Variants in HSPG2 observed in about 807,000 individuals in gnomAD.
HSPG2 encodes basement membrane-specific heparan sulfate proteoglycan core protein.
HSPG2 carries 278 observed loss-of-function variants against 526.6 expected under a neutral mutation model. The ratio of observed to expected loss-of-function variants is 0.53; its 90% CI spans 0.48 to 0.58. HSPG2 has a LOEUF of 0.58. Among genes scored for constraint, HSPG2 ranks in the 20% least tolerant of loss-of-function variants. The pLI, the probability that HSPG2 is intolerant of heterozygous loss-of-function variation, is 0.00. For synonymous variants in HSPG2, 2,465 were observed against 2,555.4 expected, an observed-to-expected ratio of 0.96 and a Z score of 1.07; for missense variants, 5,354 against 6,099.5, an observed-to-expected ratio of 0.88 and a Z score of 4.07.
chr1:21,917,609 CCT>C (rs1304941331), intron 1 of HSPG2, among the ~76,000 whole-genome samples: 2 of 152,162 alleles, frequency 1.3e-5, no homozygotes, highest in Admixed American at 6.5e-5. Flanking sequence ...CCATCAGCCC[CCT>C]GAGGCTCCTA....
At position 21,855,513 on chromosome 1, in the gene HSPG2, G is replaced by A. The variant is rs377059489; in HGVS notation, c.5854+10C>T. Reference sequence around the variant, plus strand: ...CACTCCCGGCCCCCACCCTGAGCCCGGCCTCTCACCATGCACGTGGAGCAC... The same window carrying A: ...CACTCCCGGCCCCCACCCTGAGCCCAGCCTCTCACCATGCACGTGGAGCAC... On this transcript the variant is annotated intron_variant, in intron 46 of 96. Coordinates refer to ENST00000374695, the MANE Select transcript of HSPG2 (RefSeq NM_005529.7). 6.8e-6 allele frequency: 11 copies of A among 1,610,090 alleles called. No homozygotes were observed. Among genetic ancestry groups the A allele is most frequent in the African/African-American group, 6.7e-5 (5 of 74,914 alleles).
chr1:21,845,724 T>C (rs1054039743), intron 64 of HSPG2, among the ~76,000 whole-genome samples: 3 of 152,118 alleles, frequency 2.0e-5, no homozygotes, highest in African/African-American at 7.2e-5. Context: ...AGAGGTGCAG[T>C]CCCAGGCTTT....
chr1:21,859,941 G>A lies in HSPG2; in HGVS notation c.5076C>T (p.Gly1692=). The A allele has an allele frequency of 6.2e-7, 1 of 1,610,562 alleles. No homozygotes were observed. The highest frequency in any genetic ancestry group is 8.5e-7 in the Non-Finnish European group (1 of 1,179,378). The change falls in exon 41 of 97, where the codon GGC becomes GGT. Residue 1692 remains glycine, a synonymous_variant. Transcript: ENST00000374695. The surrounding 1 kb of genome is among the most constrained non-coding windows in gnomAD (Gnocchi z 5.3). ...HPARSIVPQG[G]SHSLRCQVSG... ...TGACCTGACACCGCAGGGAGTGGGA[G>A]CCACCTTGGGGCACTATGCTTCGAG...
chr1:21,856,001 C>T, intron 44 of HSPG2, 89 bp from the exon 45 acceptor site: 1 of 1,546,594 alleles, frequency 6.5e-7, no homozygotes, highest in Middle Eastern at 1.7e-4. Flanking sequence ...TCTCTGCTTC[C>T]AGGCTAGCCC....
chr1:21,847,680 AC>A lies in HSPG2; in HGVS notation c.8025+8del. 1 of 1,605,278 alleles carries A rather than the reference AC, an allele frequency of 6.2e-7. No individual in the cohort carries two copies. ...GTTCCACCCCCGCTGCTGTGGCTCC[AC>A]TCTGTACCTGGTGTCGGGAGGGAAG... is the stretch of plus-strand genomic sequence containing the variant. On this transcript the variant is annotated splice_region_variant and intron_variant, in intron 61 of 96. Transcript: ENST00000374695. This position sits in a 1 kb window ranked among gnomAD's most constrained non-coding sequence, Gnocchi z 4.1.
rs928132717 is a variant in HSPG2, at chr1:21,849,051, G to A, written c.7447-20C>T. On this transcript the variant is annotated intron_variant, in intron 57 of 96. Transcript: ENST00000374695. ...ATGCACCTGGGAGGGTCAGGAGGGA[G>A]GAGGCAGGCTCAGAGCTGGGCACTG... 2 of 1,612,588 alleles carry A rather than the reference G, an allele frequency of 1.2e-6. No individual in the cohort carries two copies. Among genetic ancestry groups the A allele is most frequent in the Non-Finnish European group, 1.7e-6 (2 of 1,179,334 alleles).
chr1:21,880,657 T>G lies in HSPG2; in HGVS notation c.1997A>C (p.Glu666Ala), dbSNP rs764846270. 6.3e-7 allele frequency: 1 copy of G among 1,593,280 alleles called. No homozygotes were observed. The part of the protein sequence containing the change: ...ALNQRQVQFS[E>A]EHWVHESGRP... The stretch of plus-strand genomic sequence containing the variant: ...CCTAAGGGCTCAGGCGCCACCCACC[T>G]CAGAGAACTGGACCTGGCGCTGGTT... The change falls in exon 15 of 97, where the codon GAG becomes GCG. Residue 666 changes from glutamate (E) to alanine (A), a missense_variant and splice_region_variant. By Grantham distance (107) the Glu-to-Ala change is moderately radical. Transcript: ENST00000374695.
chr1:21,890,710 A>AGGAT lies in HSPG2; in HGVS notation c.245-20_245-17dup. The AGGAT allele has an allele frequency of 6.3e-7, 1 of 1,594,564 alleles. No homozygotes were observed. Among genetic ancestry groups the AGGAT allele is most frequent in the Non-Finnish European group, 8.6e-7 (1 of 1,163,566 alleles). On this transcript the variant is annotated splice_polypyrimidine_tract_variant and intron_variant, in intron 3 of 96. Transcript: ENST00000374695. The surrounding 1 kb of genome is among the most constrained non-coding windows in gnomAD (Gnocchi z 4.1). Reference sequence around the variant, plus strand: ...CGGAAATAAACTGGAAAATCGAAGGAGGATCATTTTGAGAGCCCCAGCCTG... The same window carrying AGGAT: ...CGGAAATAAACTGGAAAATCGAAGGAGGATGGATCATTTTGAGAGCCCCAGCCTG...
chr1:21,839,618 G>C lies in HSPG2; in HGVS notation c.9710-68C>G, dbSNP rs2098040726. ...TCAGGGACCCGCAGAGGGTGGCCAT[G>C]GTGAGGAAGGGCCCTGGGTGATCCT... On this transcript the variant is annotated intron_variant, in intron 72 of 96. Coordinates refer to ENST00000374695, the MANE Select transcript of HSPG2 (RefSeq NM_005529.7). This position sits in a 1 kb window ranked among gnomAD's most constrained non-coding sequence, Gnocchi z 4.5. The C allele has an allele frequency of 6.4e-7, 1 of 1,552,412 alleles. No homozygotes were observed. Among genetic ancestry groups the C allele is most frequent in the Non-Finnish European group, 8.8e-7 (1 of 1,134,472 alleles).
intron 33 of HSPG2, among the ~76,000 whole-genome samples, chr1:21,868,329 C>T (rs954723066): frequency 1.3e-5 from 2 of 152,294 alleles, no homozygotes; most frequent in African/African-American, 2.4e-5. Flanking sequence ...TGAGCCACCA[C>T]GCCCAGCCTG....
chr1:21,893,689 G>A lies in HSPG2; in HGVS notation c.244+2233C>T, dbSNP rs1335721264. 2.0e-5 allele frequency among the ~76,000 whole-genome samples: 3 copies of A among 152,066 alleles called. No homozygotes were observed. Among genetic ancestry groups the A allele is most frequent in the Non-Finnish European group, 4.4e-5 (3 of 67,986 alleles). ...CTGCAGAGTAGAGACAGAGAAGGAGGCAAGAAGGGACATTGACAGCGAGGG... is the reference window on the plus strand; with the variant it reads ...CTGCAGAGTAGAGACAGAGAAGGAGACAAGAAGGGACATTGACAGCGAGGG... On this transcript the variant is annotated intron_variant, in intron 3 of 96. Transcript: ENST00000374695. The surrounding 1 kb of genome is among the most constrained non-coding windows in gnomAD (Gnocchi z 4.3).
In HSPG2 at chr1:21,898,976, C is replaced by A. The variant is rs1642937657; in HGVS notation, c.64-2666G>T. Among the ~76,000 whole-genome samples, 1 of 152,164 alleles carries A rather than the reference C, an allele frequency of 6.6e-6. No individual in the cohort carries two copies. The highest frequency in any genetic ancestry group is 2.4e-5 in the African/African-American group (1 of 41,432). On this transcript the variant is annotated intron_variant, in intron 1 of 96. Coordinates refer to ENST00000374695, the MANE Select transcript of HSPG2 (RefSeq NM_005529.7). The surrounding 1 kb of genome is among the most constrained non-coding windows in gnomAD (Gnocchi z 4.0). ...GGCCTTGGGACCAGACAGGAAATAG[C>A]AAAGTGAGATTCAACATGGAAAGAA...
At chr1:21,866,153 A>AC (rs1640214158) in intron 33 of HSPG2, among the ~76,000 whole-genome samples, 1 of 152,204 alleles carries the variant, frequency 6.6e-6, no homozygotes, top group Admixed American at 6.5e-5. Context: ...GACAATGACC[A>AC]CCATGGGGAG....
Position 21,824,831 on chromosome 1 carries a change from C to T in HSPG2, c.12590-52G>A. Reference sequence around the variant, plus strand: ...TACCTGCTGCATCAGGCATCAAAATCCCCCGTCAGTTCCCCTGACCCCCAC... The same window carrying T: ...TACCTGCTGCATCAGGCATCAAAATTCCCCGTCAGTTCCCCTGACCCCCAC... On this transcript the variant is annotated intron_variant, in intron 91 of 96. Transcript: ENST00000374695. The surrounding 1 kb of genome is among the most constrained non-coding windows in gnomAD (Gnocchi z 5.9). 6.6e-7 allele frequency: 1 copy of T among 1,516,280 alleles called. No homozygotes were observed. The highest frequency in any genetic ancestry group is 9.0e-7 in the Non-Finnish European group (1 of 1,107,200). 93.9% of individuals were successfully genotyped at this position (1,516,280 alleles called of 1,614,324 possible). A position where few individuals can be genotyped will look rare whatever the true frequency, so the allele number is the denominator to read the frequency against.
intron 1 of HSPG2, among the ~76,000 whole-genome samples, chr1:21,910,286 C>G (rs1392206094): frequency 1.3e-5 from 2 of 152,210 alleles, no homozygotes; most frequent in African/African-American, 4.8e-5. Context: ...TGAAATTGTT[C>G]CTGCCCAGAC....
intron 1 of HSPG2, among the ~76,000 whole-genome samples, chr1:21,918,832 T>C (rs1011357661): frequency 1.6e-4 from 25 of 152,130 alleles, no homozygotes; most frequent in Non-Finnish European, 3.1e-4. Context: ...ATAGTCAGCG[T>C]TCTCCAAATA....
chr1:21,865,210 G>T lies in HSPG2; in HGVS notation c.4395+75C>A. The T allele has an allele frequency of 6.6e-7, 1 of 1,525,162 alleles. No homozygotes were observed. The highest frequency in any genetic ancestry group is 9.1e-7 in the Non-Finnish European group (1 of 1,098,892). The allele number at this position is 1,525,162 out of a possible 1,614,324, so 94.5% of individuals were successfully genotyped here. A position where few individuals can be genotyped will look rare whatever the true frequency, so the allele number is the denominator to read the frequency against. On this transcript the variant is annotated intron_variant, in intron 35 of 96. Transcript: ENST00000374695. The surrounding 1 kb of genome is among the most constrained non-coding windows in gnomAD (Gnocchi z 5.4). ...AGGTTGGGGAGCGAGAGACAGGGTG[G>T]GTATCAAAGCCAGGCTCTGAGTCAG...
At chr1:21,914,894 G>T (rs1175925899) in intron 1 of HSPG2, among the ~76,000 whole-genome samples, 1 of 152,156 alleles carries the variant, frequency 6.6e-6, no homozygotes, top group African/African-American at 2.4e-5. Flanking sequence ...ACCCCCAAAA[G>T]CTCACATCCT....
At chr1:21,920,676 C>T (rs184699618) in intron 1 of HSPG2, among the ~76,000 whole-genome samples, 47 of 152,342 alleles carry the variant, frequency 3.1e-4, no homozygotes, top group Non-Finnish European at 1.3e-4. Flanking sequence ...CCTAATTTAA[C>T]CATAGCCCCT....
Sources: allele counts gnomAD v4.1 joint callset (sites outside exome capture counted in the v4.1 genomes callset), GRCh38; gene constraint gnomAD v4.1.1; non-coding constraint Gnocchi (gnomAD v3.1); transcripts MANE v1.5; gene names NCBI Gene and HGNC (gene_info 2026-07-23, HGNC 2026-07-21).